The following ABCC6 variants were observed in gnomAD, a reference collection of about 807,000 sequenced individuals.
ABCC6 encodes the protein ATP-binding cassette sub-family C member 6.
ABCC6 carries 126 observed loss-of-function variants against 169.5 expected under a neutral mutation model. The observed-to-expected ratio is 0.74, with a 90% CI of 0.64 to 0.86. ABCC6 has a LOEUF of 0.86. ABCC6 is among the 40% of genes least tolerant of loss of function. ABCC6 has a pLI of 0.00. For synonymous variants in ABCC6, 752 were observed against 814.7 expected (o/e 0.92, Z 1.31); for missense variants, 1,733 against 1,927.2 (o/e 0.90, Z 1.89).
chr16:16,207,236 G>A (rs1374169445), intron 7 of ABCC6, among the ~76,000 whole-genome samples: 1 of 152,224 alleles, frequency 6.6e-6, no homozygotes, highest in East Asian at 1.9e-4. Flanking sequence ...CCACTTCTGT[G>A]GCTCTGAAGG....
intron 12 of ABCC6, among the ~76,000 whole-genome samples, chr16:16,189,420 T>C (rs79306487): frequency 1.3e-5 from 1 of 75,094 alleles, no homozygotes; most frequent in Admixed American, 1.4e-4. Flanking sequence ...TTTGTGGTGC[T>C]TTTTTTTTTT....
At chr16:16,177,656 CAT>C in intron 18 of ABCC6, 30 bp from the exon 19 acceptor site, 5 of 1,612,934 alleles carry the variant, frequency 3.1e-6, no homozygotes, top group Non-Finnish European at 2.5e-6. Context: ...AAGTTACACA[CAT>C]GTGGCCGGGT....
At position 16,221,664 on chromosome 16, in the gene ABCC6, G is replaced by A. The variant is rs1338542336; in HGVS notation, c.204C>T (p.Leu68=). Residue 68 remains leucine (L), a synonymous_variant, in exon 2 of 31, where the codon CTC becomes CTT. Coordinates refer to ENST00000205557, the MANE Select transcript of ABCC6 (RefSeq NM_001171.6). The part of the protein sequence containing the change: ...HGRGYLRMSP[L]FKAKMVLGFA... ...TGGCAGCTACCATCTTGGCTTTGAA[G>A]AGTGGGGACATCCGGAGGTAGCCCC... is the stretch of plus-strand genomic sequence containing the variant. The A allele has an allele frequency of 1.1e-5, 17 of 1,613,888 alleles. 1 individual carries two copies. The highest frequency in any genetic ancestry group is 3.3e-4 in the Middle Eastern group (2 of 6,078).
At chr16:16,168,857 G>A (rs963584432) in intron 22 of ABCC6, among the ~76,000 whole-genome samples, 10 of 152,136 alleles carry the variant, frequency 6.6e-5, no homozygotes, top group African/African-American at 2.4e-4. Context: ...GAGGCGGGCA[G>A]ATCATTTGAG....
At chr16:16,222,219 T>A (rs1209751300) in intron 1 of ABCC6, among the ~76,000 whole-genome samples, 2 of 152,008 alleles carry the variant, frequency 1.3e-5, no homozygotes, top group Non-Finnish European at 2.9e-5. Context: ...CAGTACTGTC[T>A]CCATTTCAGA....
intron 9 of ABCC6, among the ~76,000 whole-genome samples, chr16:16,198,606 TG>T (rs1178119238): frequency 2.0e-5 from 3 of 152,014 alleles, no homozygotes; most frequent in Non-Finnish European, 4.4e-5. Context: ...CCCGCCACTC[TG>T]GGAGGCTGAG....
intron 5 of ABCC6, among the ~76,000 whole-genome samples, chr16:16,213,188 A>C (rs1287824084): frequency 6.6e-6 from 1 of 151,730 alleles, no homozygotes; most frequent in East Asian, 1.9e-4. Flanking sequence ...GGATTCAAGC[A>C]ATCCTCCTGC....
intron 22 of ABCC6, among the ~76,000 whole-genome samples, chr16:16,166,221 G>A (rs1286665965): frequency 1.3e-5 from 2 of 151,964 alleles, no homozygotes; most frequent in Non-Finnish European, 1.5e-5. Context: ...GCTAATTTGG[G>A]GTATTTTTGT....
intron 27 of ABCC6, chr16:16,155,326 A>ATCATC: frequency 2.0e-6 from 1 of 506,496 alleles, no homozygotes; most frequent in Non-Finnish European, 3.5e-6. Flanking sequence ...ACACCTCTCC[A>ATCATC]TCATCTCTCA....
At chr16:16,176,126 C>T in intron 19 of ABCC6, 140 bp from the exon 20 acceptor site, 1 of 771,336 alleles carries the variant, frequency 1.3e-6, no homozygotes, top group Non-Finnish European at 2.3e-6. Context: ...CCTCTCTCAA[C>T]ACCCCACTCT....
chr16:16,211,715 A>G (rs575494821), intron 6 of ABCC6, among the ~76,000 whole-genome samples: 1 of 152,306 alleles, frequency 6.6e-6, no homozygotes, highest in South Asian at 2.1e-4. Context: ...TGTTTTCTCA[A>G]TCTGCCTGGA....
chr16:16,152,956 G>GCACAATCTTGGCT (rs1474079545), intron 29 of ABCC6, among the ~76,000 whole-genome samples: 1 of 152,030 alleles, frequency 6.6e-6, no homozygotes, highest in Non-Finnish European at 1.5e-5. Context: ...GAGTGCAGTG[G>GCACAATCTTGGCT]CACAATCTTG....
chr16:16,150,376 A>G (rs1019804834), intron 30 of ABCC6, 135 bp from the exon 31 acceptor site: 2 of 1,535,900 alleles, frequency 1.3e-6, no homozygotes, highest in Non-Finnish European at 8.8e-7. Flanking sequence ...TGGCCCTCAC[A>G]GCTGGGTTGG....
At chr16:16,186,693 G>A (rs776053837) in intron 14 of ABCC6, among the ~76,000 whole-genome samples, 10 of 150,260 alleles carry the variant, frequency 6.7e-5, no homozygotes, top group South Asian at 2.1e-4. Context: ...CTGGTTCTAC[G>A]TTATGGTGAG....
At position 16,188,871 on chromosome 16, in the gene ABCC6, G is replaced by A; in HGVS notation, c.1739C>T (p.Ala580Val). The change falls in exon 13 of 31, where the codon GCC becomes GTC. Residue 580 changes from alanine to valine, a missense_variant. Ala to Val is a moderately conservative substitution (Grantham distance 64). Around this residue, in one of 5 missense-constraint regions of ABCC6, gnomAD observed 1,601 missense variants for 1,635.5 expected, o/e 0.98. Coordinates refer to ENST00000205557, the MANE Select transcript of ABCC6 (RefSeq NM_001171.6). ...GATGGAGAAGGGCAGGAAAGCCTGG[G>A]CCTTGTTGAGGATGTTGAGAACTGT... ...TLTVLNILNK[A>V]QAFLPFSIHS... The A allele has an allele frequency of 6.2e-7, 1 of 1,614,160 alleles. No individual in the cohort carries two copies. Among genetic ancestry groups the A allele is most frequent in the Non-Finnish European group, 8.5e-7 (1 of 1,180,018 alleles).
At chr16:16,215,151 G>A (rs1474957932) in intron 4 of ABCC6, among the ~76,000 whole-genome samples, 1 of 152,178 alleles carries the variant, frequency 6.6e-6, no homozygotes, top group Admixed American at 6.5e-5. Flanking sequence ...GCAGAGATGA[G>A]AGCTGGTTTT....
intron 22 of ABCC6, among the ~76,000 whole-genome samples, chr16:16,168,647 G>A (rs1465306151): frequency 6.6e-6 from 1 of 152,180 alleles, no homozygotes; most frequent in Non-Finnish European, 1.5e-5. Context: ...GGCAACACGA[G>A]AGCGCCTCGT....
chr16:16,199,720 G>T (rs2048173544), intron 9 of ABCC6, among the ~76,000 whole-genome samples: 1 of 130,214 alleles, frequency 7.7e-6, no homozygotes. Flanking sequence ...CAGAGATGAG[G>T]CTTGCTCTCC....
At chr16:16,218,231 T>TC in intron 4 of ABCC6, among the ~76,000 whole-genome samples, 1 of 135,634 alleles carries the variant, frequency 7.4e-6, no homozygotes. Flanking sequence ...ATGCCTCTAA[T>TC]CCCAGCATTT....
Sources: gnomAD v4.1 joint callset for allele counts (sites outside exome capture counted in the v4.1 genomes callset) on GRCh38, gnomAD v4.1.1 for gene constraint, gnomAD v4.1.1 regional missense constraint, MANE v1.5 for transcripts, NCBI Gene and HGNC (gene_info 2026-07-23, HGNC 2026-07-21) for gene names.